Variants in RAB22A observed in about 807,000 individuals in gnomAD.
The protein encoded by RAB22A is ras-related protein Rab-22A.
RAB22A carries 13 observed loss-of-function variants against 30.2 expected under a neutral mutation model. The observed-to-expected ratio is 0.43, with a 90% confidence interval of 0.28 to 0.68. The LOEUF is 0.68. Among genes scored for constraint, RAB22A ranks in the 30% least tolerant of loss-of-function variants. The pLI, the probability that RAB22A is intolerant of heterozygous loss-of-function variation, is 0.18. For missense variants in RAB22A, 177 were observed against 246.8 expected (o/e 0.72, Z 1.89); for synonymous variants, 89 against 87.2 (o/e 1.02, Z -0.11).
At chr20:58,342,727 C>A (rs1986876874) in intron 2 of RAB22A, among the ~76,000 whole-genome samples, 1 of 151,814 alleles carries the variant, frequency 6.6e-6, no homozygotes, top group African/African-American at 2.4e-5. Context: ...ACACACCCAT[C>A]TTTGGGCTCT....
chr20:58,341,301 G>C (rs1468619147), intron 2 of RAB22A, among the ~76,000 whole-genome samples: 1 of 152,186 alleles, frequency 6.6e-6, no homozygotes, highest in African/African-American at 2.4e-5. Context: ...GGCCTAAGAC[G>C]CATGCCCAGC....
At chr20:58,332,049 A>G (rs1986670661) in intron 2 of RAB22A, among the ~76,000 whole-genome samples, 1 of 152,216 alleles carries the variant, frequency 6.6e-6, no homozygotes, top group African/African-American at 2.4e-5. Context: ...AATGATAACG[A>G]TGGGCATATT....
chr20:58,361,603 T>C lies in RAB22A; in HGVS notation c.*1900T>C, dbSNP rs1269098438. The stretch of plus-strand genomic sequence containing the variant: ...CTTTACACCTAAAGTAGTTTGACTT[T>C]CTTCTGTATACATCCAGATGGATCC... On this transcript the variant is annotated 3_prime_UTR_variant, in exon 7 of 7. Transcript: ENST00000244040. 1 of 152,196 alleles carries C rather than the reference T, an allele frequency of 6.6e-6. No individual in the cohort carries two copies. Among genetic ancestry groups the C allele is most frequent in the African/African-American group, 2.4e-5 (1 of 41,444 alleles). 9.4% of individuals were successfully genotyped at this position (152,196 alleles called of 1,614,324 possible).
At chr20:58,314,829 A>G (rs1189917999) in intron 2 of RAB22A, among the ~76,000 whole-genome samples, 1 of 152,062 alleles carries the variant, frequency 6.6e-6, no homozygotes, top group Non-Finnish European at 1.5e-5. Flanking sequence ...TGACAGAGCA[A>G]GACTCCATCT....
Position 58,359,829 on chromosome 20 carries a change from A to G in RAB22A, c.*126A>G. The G allele has an allele frequency of 1.4e-6, 1 of 709,398 alleles. No homozygotes were observed. The highest frequency in any genetic ancestry group is 2.3e-6 in the Non-Finnish European group (1 of 437,008). 43.9% of individuals were successfully genotyped at this position (709,398 alleles called of 1,614,324 possible). ...AGTCTTCTCCGTGCAAAAAGGATTCACAGAAATGGACCAGTTCTGTTCTCC... is the reference window on the plus strand; with the variant it reads ...AGTCTTCTCCGTGCAAAAAGGATTCGCAGAAATGGACCAGTTCTGTTCTCC... On this transcript the variant is annotated 3_prime_UTR_variant, in exon 7 of 7. Transcript: ENST00000244040.
chr20:58,360,545 G>A lies in RAB22A; in HGVS notation c.*842G>A, dbSNP rs1386311363. The stretch of plus-strand genomic sequence containing the variant: ...AATTTTTTTTTAACCCAAGTATTTT[G>A]GTGGGGAAAAGCAAGTATCTATTGC... On this transcript the variant is annotated 3_prime_UTR_variant, in exon 7 of 7. Coordinates refer to ENST00000244040, the MANE Select transcript of RAB22A (RefSeq NM_020673.3). 6.6e-6 allele frequency: 1 copy of A among 152,504 alleles called. No individual in the cohort carries two copies. The highest frequency in any genetic ancestry group is 6.6e-5 in the Admixed American group (1 of 15,266). 9.4% of individuals were successfully genotyped at this position (152,504 alleles called of 1,614,324 possible).
intron 2 of RAB22A, among the ~76,000 whole-genome samples, chr20:58,327,862 A>G (rs1986594770): frequency 6.6e-6 from 1 of 152,212 alleles, no homozygotes; most frequent in Non-Finnish European, 1.5e-5. Flanking sequence ...TAAAAAGTCA[A>G]AGAGAGACTG....
intron 2 of RAB22A, among the ~76,000 whole-genome samples, chr20:58,316,857 C>T (rs1226841758): frequency 6.6e-6 from 1 of 152,154 alleles, no homozygotes. Context: ...TCCTCAGGTA[C>T]TCAAGCCAGC....
chr20:58,360,445 A>T lies in RAB22A; in HGVS notation c.*742A>T. Reference sequence around the variant, plus strand: ...AGCTGCCCGGAATAAACTGAATTTCATATGTTCTAAAATGACTAGCAATGG... The same window carrying T: ...AGCTGCCCGGAATAAACTGAATTTCTTATGTTCTAAAATGACTAGCAATGG... On this transcript the variant is annotated 3_prime_UTR_variant, in exon 7 of 7. Coordinates refer to ENST00000244040, the MANE Select transcript of RAB22A (RefSeq NM_020673.3). 1 of 152,650 alleles carries T rather than the reference A, an allele frequency of 6.6e-6. No homozygotes were observed. The highest frequency in any genetic ancestry group is 1.5e-5 in the Non-Finnish European group (1 of 68,036). The allele number at this position is 152,650 out of a possible 1,614,324, so 9.5% of individuals were successfully genotyped here.
intron 2 of RAB22A, among the ~76,000 whole-genome samples, chr20:58,341,844 T>G (rs1986858733): frequency 6.6e-6 from 1 of 152,224 alleles, no homozygotes; most frequent in African/African-American, 2.4e-5. Flanking sequence ...ATATTTCTTC[T>G]TCCTTTGAGC....
rs1987191807 is a variant in RAB22A, at chr20:58,359,616, TC to T, written c.500del (p.Pro167HisfsTer37). 6.2e-7 allele frequency: 1 copy of T among 1,608,164 alleles called. No individual in the cohort carries two copies. Among genetic ancestry groups the T allele is most frequent in the Admixed American group, 1.7e-5 (1 of 59,868 alleles). On this transcript the variant is annotated frameshift_variant, in exon 7 of 7. Coordinates refer to ENST00000244040, the MANE Select transcript of RAB22A (RefSeq NM_020673.3). LOFTEE classifies it high-confidence loss of function. ...ELFIEISRRI[P>X]STDANLPSGG... ...CTCATCTTGGTTTAGGTCGAAGAATTCCATCCACTGACGCCAACCTGCCATC... is the reference window on the plus strand; with the variant it reads ...CTCATCTTGGTTTAGGTCGAAGAATTCATCCACTGACGCCAACCTGCCATC...
At position 58,362,693 on chromosome 20, in the gene RAB22A, C is replaced by T. The variant is rs755917778; in HGVS notation, c.*2990C>T. The T allele has an allele frequency of 1.3e-5, 2 of 152,200 alleles. No individual in the cohort carries two copies. Among genetic ancestry groups the T allele is most frequent in the Non-Finnish European group, 2.9e-5 (2 of 68,040 alleles). 9.4% of individuals were successfully genotyped at this position (152,200 alleles called of 1,614,324 possible). A position where few individuals can be genotyped will look rare whatever the true frequency, so the allele number is the denominator to read the frequency against. ...ATAAAGTAAGATTATGATTAAGTGTCCATCACCTGCCTGTCAGCCGTGGTC... is the reference window on the plus strand; with the variant it reads ...ATAAAGTAAGATTATGATTAAGTGTTCATCACCTGCCTGTCAGCCGTGGTC... On this transcript the variant is annotated 3_prime_UTR_variant, in exon 7 of 7. Transcript: ENST00000244040.
At chr20:58,314,053 C>CTTTT (rs3069356) in intron 2 of RAB22A, among the ~76,000 whole-genome samples, 1 of 145,834 alleles carries the variant, frequency 6.9e-6, no homozygotes, top group Non-Finnish European at 1.5e-5. Context: ...TATTCTTTTT[C>CTTTT]TTTTTTTTTT....
rs986309070 is a variant in RAB22A at position 58,346,728 on chromosome 20, A to G, written c.198+2929A>G. ...GAGCTGGGACCACAGTGTCTTGTTC[A>G]CTGCTGTACTCCCAGGGCCTAGCAT... On this transcript the variant is annotated intron_variant, in intron 3 of 6. Transcript: ENST00000244040. Among the ~76,000 whole-genome samples the G allele has an allele frequency of 1.2e-4, 18 of 152,190 alleles. 1 individual carries two copies. The highest frequency in any genetic ancestry group is 2.6e-4 in the Non-Finnish European group (18 of 68,026).
intron 6 of RAB22A, among the ~76,000 whole-genome samples, chr20:58,356,035 A>G (rs1353318742): frequency 6.6e-6 from 1 of 152,134 alleles, no homozygotes; most frequent in East Asian, 1.9e-4. Context: ...AGTAGGCCAG[A>G]CATGGTGGCT....
At chr20:58,349,797 A>G (rs1024011916) in intron 3 of RAB22A, among the ~76,000 whole-genome samples, 10 of 152,324 alleles carry the variant, frequency 6.6e-5, no homozygotes, top group African/African-American at 2.4e-4. Context: ...AAAAAAACCA[A>G]GCGTCTACAG....
chr20:58,339,036 A>T (rs962061133), intron 2 of RAB22A, among the ~76,000 whole-genome samples: 4 of 152,242 alleles, frequency 2.6e-5, no homozygotes, highest in African/African-American at 9.6e-5. Context: ...ATGTCAGAGC[A>T]CACCTATGTT....
intron 3 of RAB22A, among the ~76,000 whole-genome samples, chr20:58,346,204 G>A (rs554124688): frequency 1.1e-4 from 16 of 152,262 alleles, no homozygotes; most frequent in South Asian, 1.0e-3. Flanking sequence ...TAGCCTTTTC[G>A]TGGGTCCCCT....
Position 58,361,324 on chromosome 20 carries a change from A to G in RAB22A, c.*1621A>G, listed in dbSNP as rs1987221428. ...TATTATTTTGTGCCCCCCACTTAAT[A>G]TGGATAGATTTTAATGGGAAAATTA... On this transcript the variant is annotated 3_prime_UTR_variant, in exon 7 of 7. Transcript: ENST00000244040. The G allele has an allele frequency of 6.6e-6, 1 of 152,638 alleles. No homozygotes were observed. Among genetic ancestry groups the G allele is most frequent in the Admixed American group, 6.5e-5 (1 of 15,290 alleles). The allele number at this position is 152,638 out of a possible 1,614,324, so 9.5% of individuals were successfully genotyped here.
Sources: allele counts gnomAD v4.1 joint callset (sites outside exome capture counted in the v4.1 genomes callset), GRCh38; gene constraint gnomAD v4.1.1; transcripts MANE v1.5; gene names NCBI Gene and HGNC (gene_info 2026-07-23, HGNC 2026-07-21).